CREBZF: variants seen among roughly 807,000 people sequenced by gnomAD.
The protein encoded by CREBZF is CREB/ATF bZIP transcription factor, also known as HCF-binding transcription factor Zhangfei.
Under a neutral mutation model 21.1 loss-of-function variants are expected in CREBZF, and 8 were observed. That is an observed-to-expected ratio of 0.38 (90% confidence interval 0.22 to 0.68). The LOEUF (loss-of-function observed/expected upper bound fraction) is 0.68. Ranked by LOEUF, CREBZF falls within the 30% of genes least tolerant of loss-of-function variation. CREBZF has a pLI of 0.51. For missense variants in CREBZF, 518 were observed against 484.3 expected, an observed-to-expected ratio of 1.07 and a Z score of -0.65; for synonymous variants, 270 against 223.3, an observed-to-expected ratio of 1.21 and a Z score of -1.86.
chr11:85,664,207 C>G lies in CREBZF; in HGVS notation c.669G>C (p.Leu223=). 2.5e-6 allele frequency: 4 copies of G among 1,613,268 alleles called. No homozygotes were observed. The South Asian group carries it at 4.4e-5, about 18-fold the overall frequency. The part of the protein sequence containing the change: ...AAAAAARLNR[L]KKKEYVMGLE... ...GCCCCATCACGTACTCCTTCTTCTT[C>G]AGTCGATTAAGGCGGGCAGCGGCCG... Residue 223 remains leucine (L), a synonymous_variant, in exon 1 of 1, where the codon CTG becomes CTC. Coordinates refer to ENST00000527447, the MANE Select transcript of CREBZF (RefSeq NM_001039618.4). The surrounding 1 kb of genome is among the most constrained non-coding windows in gnomAD (Gnocchi z 5.5).
At chr11:85,671,766 C>T (rs2082913127) in intron 1 of CREBZF, among the ~76,000 whole-genome samples, 1 of 152,256 alleles carries the variant, frequency 6.6e-6, no homozygotes, top group South Asian at 2.1e-4. Context: ...GCAGCTCCAT[C>T]CCTGTGGCTT....
In CREBZF at chr11:85,661,093, T is replaced by G. The variant is rs2082663098; in HGVS notation, c.*2718A>C. 6.5e-6 allele frequency: 1 copy of G among 153,388 alleles called. No individual in the cohort carries two copies. Among genetic ancestry groups the G allele is most frequent in the African/African-American group, 2.4e-5 (1 of 41,440 alleles). The allele number at this position is 153,388 out of a possible 1,614,324, so 9.5% of individuals were successfully genotyped here. ...TCACATTAATCATAACTTTTTTAATTAACAAGTAGTGAATCGGACACTTTA... is the reference window on the plus strand; with the variant it reads ...TCACATTAATCATAACTTTTTTAATGAACAAGTAGTGAATCGGACACTTTA... On this transcript the variant is annotated 3_prime_UTR_variant, in exon 1 of 1. Transcript: ENST00000527447.
intron 1 of CREBZF, among the ~76,000 whole-genome samples, chr11:85,681,032 T>G (rs999746708): frequency 1.3e-5 from 2 of 152,206 alleles, no homozygotes; most frequent in African/African-American, 4.8e-5. Context: ...GCTGGCAACA[T>G]GCCCTATGAA....
chr11:85,659,356 A>T lies in CREBZF; in HGVS notation c.*4455T>A, dbSNP rs2082610469. 6.6e-6 allele frequency among the ~76,000 whole-genome samples: 1 copy of T among 152,044 alleles called. No homozygotes were observed. On this transcript the variant is annotated 3_prime_UTR_variant, in exon 1 of 1. Transcript: ENST00000527447. Reference sequence around the variant, plus strand: ...GTGAATTACCCAGTCTGTTCTATCAAAGTAGTAGTTAAGGTCACCAAATAA... The same window carrying T: ...GTGAATTACCCAGTCTGTTCTATCATAGTAGTAGTTAAGGTCACCAAATAA...
In CREBZF at chr11:85,681,210, C is replaced by T. The variant is rs2082975021; in HGVS notation, n.147+1507G>A. Reference sequence around the variant, plus strand: ...CTCAAGTCTGCCCAACTCTGCTGGTCTTGTCACAGTGGAAAGCAGAATATC... The same window carrying T: ...CTCAAGTCTGCCCAACTCTGCTGGTTTTGTCACAGTGGAAAGCAGAATATC... On this transcript the variant is annotated intron_variant and non_coding_transcript_variant, in intron 1 of 3. Coordinates refer to the CREBZF transcript ENST00000531515. Among the ~76,000 whole-genome samples, 5 of 152,164 alleles carry T rather than the reference C, an allele frequency of 3.3e-5. No individual in the cohort carries two copies. In the South Asian group the frequency reaches 1.0e-3, roughly 32 times the overall value.
chr11:85,682,156 A>G (rs2082980340), intron 1 of CREBZF, among the ~76,000 whole-genome samples: 1 of 152,196 alleles, frequency 6.6e-6, no homozygotes, highest in South Asian at 2.1e-4. Context: ...CTTAGGTTCA[A>G]AACTCACTTT....
Position 85,662,667 on chromosome 11 carries a change from A to T in CREBZF, c.*1144T>A. 1 of 402,010 alleles carries T rather than the reference A, an allele frequency of 2.5e-6. No individual in the cohort carries two copies. Among genetic ancestry groups the T allele is most frequent in the East Asian group, 3.5e-5 (1 of 28,718 alleles). 24.9% of individuals were successfully genotyped at this position (402,010 alleles called of 1,614,324 possible). A position where few individuals can be genotyped will look rare whatever the true frequency, so the allele number is the denominator to read the frequency against. ...GTGGCCAGAACCACTCAATTTAAAAAATTATTTTAAAATAGGACAAATACT... is the reference window on the plus strand; with the variant it reads ...GTGGCCAGAACCACTCAATTTAAAATATTATTTTAAAATAGGACAAATACT... On this transcript the variant is annotated 3_prime_UTR_variant, in exon 1 of 1. Transcript: ENST00000527447.
rs750289496 is a variant in CREBZF at position 85,664,320 on chromosome 11, G to A, written c.556C>T (p.Arg186Trp). ...SSDSGSAEKRRRKSPGGGGGG... is the reference protein window; with the variant it reads ...SSDSGSAEKRWRKSPGGGGGG... ...CCGCCTCCTCCTGGGGACTTTCTCC[G>A]CCTCTTTTCGGCGCTGCCACTGTCA... Residue 186 changes from arginine (R) to tryptophan (W), a missense_variant, in exon 1 of 1, where the codon CGG becomes TGG. By Grantham distance (101) the Arg-to-Trp change is moderately radical. Around this residue, in one of 3 missense-constraint regions of CREBZF, gnomAD observed 396 missense variants for 324.4 expected, o/e 1.22. Coordinates refer to ENST00000527447, the MANE Select transcript of CREBZF (RefSeq NM_001039618.4). The surrounding 1 kb of genome is among the most constrained non-coding windows in gnomAD (Gnocchi z 5.5). The A allele has an allele frequency of 3.7e-6, 6 of 1,611,652 alleles. No homozygotes were observed. The South Asian group carries it at 5.5e-5, about 15-fold the overall frequency.
upstream of CREBZF, among the ~76,000 whole-genome samples, chr11:85,669,849 C>A (rs1343739603): frequency 6.6e-6 from 1 of 152,106 alleles, no homozygotes; most frequent in African/African-American, 2.4e-5. Flanking sequence ...ACTCTGTTGC[C>A]CAGGCTAGAG....
chr11:85,668,320 A>C (rs1402656229), upstream of CREBZF, among the ~76,000 whole-genome samples: 1 of 152,154 alleles, frequency 6.6e-6, no homozygotes, highest in Non-Finnish European at 1.5e-5. Flanking sequence ...TCTTTCACCT[A>C]GTTTTTATGC....
At chr11:85,674,446 T>C (rs1328886270) in intron 1 of CREBZF, among the ~76,000 whole-genome samples, 1 of 152,230 alleles carries the variant, frequency 6.6e-6, no homozygotes, top group Non-Finnish European at 1.5e-5. Context: ...AGATATGCTG[T>C]CATTCAGGCT....
At position 85,663,404 on chromosome 11, in the gene CREBZF, C is replaced by T. The variant is rs2153322398; in HGVS notation, c.*407G>A. 1 of 660,686 alleles carries T rather than the reference C, an allele frequency of 1.5e-6. No individual in the cohort carries two copies. The highest frequency in any genetic ancestry group is 2.7e-6 in the Non-Finnish European group (1 of 366,060). 40.9% of individuals were successfully genotyped at this position (660,686 alleles called of 1,614,324 possible). ...GTGGACAGGGCCCAAATTAGATTTC[C>T]CTCCCACCTTCCAAAACAGAAAAAA... On this transcript the variant is annotated 3_prime_UTR_variant, in exon 1 of 1. Coordinates refer to ENST00000527447, the MANE Select transcript of CREBZF (RefSeq NM_001039618.4).
chr11:85,658,559 T>C lies in CREBZF; in HGVS notation c.*5252A>G, dbSNP rs2082582187. On this transcript the variant is annotated 3_prime_UTR_variant, in exon 1 of 1. Coordinates refer to ENST00000527447, the MANE Select transcript of CREBZF (RefSeq NM_001039618.4). Reference sequence around the variant, plus strand: ...TTTGTAGCTAACACCTGAAGTAAACTACCCTCAATCAATTTTTATATTTCA... The same window carrying C: ...TTTGTAGCTAACACCTGAAGTAAACCACCCTCAATCAATTTTTATATTTCA... Among the ~76,000 whole-genome samples, 1 of 152,026 alleles carries C rather than the reference T, an allele frequency of 6.6e-6. No individual in the cohort carries two copies. Among genetic ancestry groups the C allele is most frequent in the Admixed American group, 6.6e-5 (1 of 15,260 alleles).
chr11:85,666,886 G>A (rs2082872650), upstream of CREBZF, among the ~76,000 whole-genome samples: 1 of 152,136 alleles, frequency 6.6e-6, no homozygotes, highest in East Asian at 1.9e-4. Flanking sequence ...CATTCCATTA[G>A]GAAAGATTTT....
chr11:85,673,346 A>G (rs1034070063), intron 1 of CREBZF, among the ~76,000 whole-genome samples: 4 of 152,220 alleles, frequency 2.6e-5, no homozygotes, highest in Non-Finnish European at 4.4e-5. Flanking sequence ...TTGATTCCAG[A>G]CCACCACAAT....
rs1246024234 is a variant in CREBZF at position 85,659,698 on chromosome 11, C to T, written c.*4113G>A. On this transcript the variant is annotated 3_prime_UTR_variant, in exon 1 of 1. Coordinates refer to ENST00000527447, the MANE Select transcript of CREBZF (RefSeq NM_001039618.4). ...ATAATCCAACAAAAATGAAATAAAA[C>T]AATCCAGAGTTTTGAGTGTTTTTTC... The T allele has an allele frequency of 1.3e-5, 2 of 151,796 alleles. No individual in the cohort carries two copies. The highest frequency in any genetic ancestry group is 2.9e-5 in the Non-Finnish European group (2 of 67,834). 9.4% of individuals were successfully genotyped at this position (151,796 alleles called of 1,614,324 possible).
rs2082608697 is a variant in CREBZF, at chr11:85,659,323, C to T, written c.*4488G>A. On this transcript the variant is annotated 3_prime_UTR_variant, in exon 1 of 1. Coordinates refer to ENST00000527447, the MANE Select transcript of CREBZF (RefSeq NM_001039618.4). Reference sequence around the variant, plus strand: ...ATCACATATTAAAAAGGTAATGACTCATTATCAGTGAATTACCCAGTCTGT... The same window carrying T: ...ATCACATATTAAAAAGGTAATGACTTATTATCAGTGAATTACCCAGTCTGT... 6.6e-6 allele frequency among the ~76,000 whole-genome samples: 1 copy of T among 151,972 alleles called. No homozygotes were observed. The highest frequency in any genetic ancestry group is 1.9e-4 in the East Asian group (1 of 5,198).
chr11:85,682,259 T>G (rs1273777417), intron 1 of CREBZF, among the ~76,000 whole-genome samples: 1 of 152,096 alleles, frequency 6.6e-6, no homozygotes, highest in South Asian at 2.1e-4. Flanking sequence ...GAACCTCCCT[T>G]GAAAAGTTGT....
chr11:85,663,525 A>C lies in CREBZF; in HGVS notation c.*286T>G. On this transcript the variant is annotated 3_prime_UTR_variant, in exon 1 of 1. Coordinates refer to ENST00000527447, the MANE Select transcript of CREBZF (RefSeq NM_001039618.4). ...TTACGGGAAGAGATGGATCCTTACC[A>C]GGTTGTGAGGCGGGAACGACTGTTC... 1 of 1,072,864 alleles carries C rather than the reference A, an allele frequency of 9.3e-7. No homozygotes were observed. Among genetic ancestry groups the C allele is most frequent in the Non-Finnish European group, 1.4e-6 (1 of 710,654 alleles). The allele number at this position is 1,072,864 out of a possible 1,614,324, so 66.5% of individuals were successfully genotyped here. A position where few individuals can be genotyped will look rare whatever the true frequency, so the allele number is the denominator to read the frequency against.
Sources: gnomAD v4.1 joint callset for allele counts (sites outside exome capture counted in the v4.1 genomes callset) on GRCh38, gnomAD v4.1.1 for gene constraint, gnomAD v4.1.1 regional missense constraint, Gnocchi (gnomAD v3.1) non-coding constraint, MANE v1.5 for transcripts, NCBI Gene and HGNC (gene_info 2026-07-23, HGNC 2026-07-21) for gene names.